Variants in GBE1 observed in about 807,000 individuals in gnomAD.
GBE1 encodes the protein 1,4-alpha-glucan branching enzyme 1.
GBE1 carries 70 observed loss-of-function variants against 88.8 expected under a neutral mutation model. That is an observed-to-expected ratio of 0.79 (90% CI 0.65 to 0.96). The LOEUF (loss-of-function observed/expected upper bound fraction) is 0.96, where lower values mean the gene tolerates loss of function less well. Among genes scored for constraint, GBE1 ranks in the 40% least tolerant of loss-of-function variants. The pLI is 0.00. For missense variants in GBE1, 872 were observed against 871.0 expected, an observed-to-expected ratio of 1.00 and a Z score of -0.01; for synonymous variants, 284 against 300.1, an observed-to-expected ratio of 0.95 and a Z score of 0.56.
intron 7 of GBE1, among the ~76,000 whole-genome samples, chr3:81,625,961 T>C (rs1252226876): frequency 6.6e-6 from 1 of 152,194 alleles, no homozygotes; most frequent in East Asian, 1.9e-4. Flanking sequence ...CTGAAGCAGG[T>C]TGTGCTATTA....
At chr3:81,612,537 C>T (rs534814897) in intron 7 of GBE1, 14 of 859,216 alleles carry the variant, frequency 1.6e-5, no homozygotes, top group Non-Finnish European at 2.1e-5. Context: ...CCAAGCAGTG[C>T]GAACACTGGT....
intron 1 of GBE1, among the ~76,000 whole-genome samples, chr3:81,753,089 A>AT (rs1170035807): frequency 6.6e-6 from 1 of 152,218 alleles, no homozygotes; most frequent in Non-Finnish European, 1.5e-5. Flanking sequence ...ACTCAAAGCT[A>AT]TTTAATAGTT....
intron 2 of GBE1, among the ~76,000 whole-genome samples, chr3:81,688,262 A>C (rs1705467978): frequency 6.6e-6 from 1 of 152,180 alleles, no homozygotes; most frequent in Non-Finnish European, 1.5e-5. Flanking sequence ...TACTAACTAC[A>C]CTTAATACAT....
chr3:81,602,406 TAGAC>T (rs1032909312), intron 7 of GBE1, among the ~76,000 whole-genome samples: 3 of 152,200 alleles, frequency 2.0e-5, no homozygotes, highest in African/African-American at 7.2e-5. Context: ...CAAATTGCCA[TAGAC>T]AGAGTAGGTT....
At chr3:81,750,659 G>A (rs28666791) in intron 1 of GBE1, among the ~76,000 whole-genome samples, 8,740 of 35,026 alleles carry the variant, frequency 0.25, 1,336 homozygotes, top group Non-Finnish European at 0.29. Context: ...ATATATATAT[G>A]TATATATATA....
intron 14 of GBE1, among the ~76,000 whole-genome samples, chr3:81,507,213 A>G (rs775206591): frequency 2.6e-5 from 4 of 152,030 alleles, no homozygotes; most frequent in Admixed American, 2.0e-4. Context: ...GCTTTTAAAA[A>G]TCCCCCAATA....
intron 3 of GBE1, among the ~76,000 whole-genome samples, chr3:81,651,032 A>G (rs1265501262): frequency 6.6e-6 from 1 of 152,228 alleles, no homozygotes; most frequent in Non-Finnish European, 1.5e-5. Context: ...AAAAGGAGGT[A>G]GAATACAATT....
At chr3:81,605,798 C>T (rs917406060) in intron 7 of GBE1, among the ~76,000 whole-genome samples, 6 of 151,968 alleles carry the variant, frequency 3.9e-5, no homozygotes, top group Admixed American at 1.3e-4. Context: ...AGGACATAGG[C>T]GATGTGTAAA....
intron 1 of GBE1, among the ~76,000 whole-genome samples, chr3:81,706,617 C>A (rs1297172860): frequency 6.6e-6 from 1 of 152,076 alleles, no homozygotes; most frequent in Non-Finnish European, 1.5e-5. Flanking sequence ...TGGCAGGAAT[C>A]GAGGCACGGG....
rs149977624 is a variant in GBE1, at chr3:81,659,751, G to A, written c.430-9830C>T. On this transcript the variant is annotated intron_variant, in intron 3 of 15. Transcript: ENST00000429644. ...CCTAAAAGAAATCTAGAGAAATTCC[G>A]AAGACTACACACAGAATACATAATT... 5.5e-4 allele frequency among the ~76,000 whole-genome samples: 83 copies of A among 152,090 alleles called. No homozygotes were observed. In the East Asian group the frequency reaches 0.015, roughly 27 times the overall value.
intron 1 of GBE1, among the ~76,000 whole-genome samples, chr3:81,722,594 G>GA (rs1389319456): frequency 1.3e-5 from 2 of 151,942 alleles, no homozygotes; most frequent in East Asian, 3.9e-4. Flanking sequence ...AGAAAAGTTT[G>GA]AAAGTTTATT....
intron 1 of GBE1, among the ~76,000 whole-genome samples, chr3:81,761,161 T>C (rs1281948251): frequency 6.6e-6 from 1 of 152,228 alleles, no homozygotes; most frequent in Non-Finnish European, 1.5e-5. Flanking sequence ...AGAAGTTTCT[T>C]CAGCGCCCGC....
chr3:81,580,223 A>G (rs1703707314), intron 11 of GBE1, among the ~76,000 whole-genome samples: 1 of 152,152 alleles, frequency 6.6e-6, no homozygotes, highest in South Asian at 2.1e-4. Flanking sequence ...GATTAATATG[A>G]CCTTAAATAA....
At chr3:81,516,936 G>T (rs1326332813) in intron 14 of GBE1, among the ~76,000 whole-genome samples, 4 of 151,612 alleles carry the variant, frequency 2.6e-5, no homozygotes, top group African/African-American at 9.7e-5. Context: ...GATGAGCAAA[G>T]AATATGGTTT....
intron 12 of GBE1, among the ~76,000 whole-genome samples, chr3:81,577,100 A>G (rs1703658766): frequency 6.6e-6 from 1 of 151,526 alleles, no homozygotes; most frequent in Admixed American, 6.6e-5. Context: ...CACCACACCC[A>G]GCATTTTTTT....
intron 14 of GBE1, among the ~76,000 whole-genome samples, chr3:81,501,169 G>A (rs562358488): frequency 2.0e-5 from 3 of 152,158 alleles, no homozygotes; most frequent in Non-Finnish European, 4.4e-5. Flanking sequence ...TTTACACAAC[G>A]AATGATCAAT....
At chr3:81,749,005 CAAAAAAA>C (rs34051030) in intron 1 of GBE1, among the ~76,000 whole-genome samples, 2 of 108,088 alleles carry the variant, frequency 1.9e-5, no homozygotes, top group South Asian at 3.5e-4. Flanking sequence ...GACTCTGTCT[CAAAAAAA>C]AAAAAAAAAG....
At chr3:81,755,292 G>C (rs1301979277) in intron 1 of GBE1, among the ~76,000 whole-genome samples, 1 of 151,990 alleles carries the variant, frequency 6.6e-6, no homozygotes, top group Admixed American at 6.6e-5. Flanking sequence ...AGTTAAAATA[G>C]CTTGTATCAA....
chr3:81,515,386 G>C (rs948275836), intron 14 of GBE1, among the ~76,000 whole-genome samples: 9 of 151,216 alleles, frequency 6.0e-5, no homozygotes, highest in Non-Finnish European at 1.3e-4. Flanking sequence ...TGTTACTATT[G>C]TAATTGTTTT....
Sources: allele counts gnomAD v4.1 joint callset (sites outside exome capture counted in the v4.1 genomes callset), GRCh38; gene constraint gnomAD v4.1.1; transcripts MANE v1.5; gene names NCBI Gene and HGNC (gene_info 2026-07-23, HGNC 2026-07-21).